Variants in TMEM178B observed in about 807,000 individuals in gnomAD.
TMEM178B encodes transmembrane protein 178B.
TMEM178B carries 5 observed loss-of-function variants against 31.0 expected under a neutral mutation model. The observed-to-expected ratio is 0.16, with a 90% CI of 0.08 to 0.34. TMEM178B has a LOEUF of 0.34. Among genes scored for constraint, TMEM178B ranks in the 10% least tolerant of loss-of-function variants. TMEM178B has a pLI of 1.00. For synonymous variants in TMEM178B, 164 were observed against 164.0 expected (o/e 1.00, Z 0.00); for missense variants, 275 against 400.3 (o/e 0.69, Z 2.67).
chr7:141,470,395 C>T, intron 3 of TMEM178B, 141 bp from the exon 4 acceptor site: 1 of 789,936 alleles, frequency 1.3e-6, no homozygotes, highest in Non-Finnish European at 1.9e-6. Flanking sequence ...TGGTGATAAC[C>T]TGCTCTTACC....
intron 1 of TMEM178B, among the ~76,000 whole-genome samples, chr7:141,112,672 C>T (rs1169646263): frequency 6.6e-6 from 1 of 152,180 alleles, no homozygotes. Context: ...GATACCTCTC[C>T]ATCATCTCCA....
At chr7:141,493,449 C>G in the TMEM178B span, among the ~76,000 whole-genome samples, 2 of 152,008 alleles carry the variant, frequency 1.3e-5, no homozygotes, top group Non-Finnish European at 2.9e-5. Context: ...CCTCATCCTT[C>G]CCAAACTGTT....
Position 141,262,474 on chromosome 7 carries a change from A to AATATATATATATAT in TMEM178B, c.496+49787_496+49800dup, listed in dbSNP as rs10570183. Among the ~76,000 whole-genome samples, 752 of 131,652 alleles carry AATATATATATATAT rather than the reference A, an allele frequency of 5.7e-3. 10 individuals carry two copies. Among genetic ancestry groups the AATATATATATATAT allele is most frequent in the African/African-American group, 8.8e-3 (298 of 33,800 alleles). 86.4% of individuals were successfully genotyped at this position (131,652 alleles called of 152,430 possible). ...AATGGAAAGCTTGATAAATACATATAATATATATATATATATATATATATA... is the reference window on the plus strand; with the variant it reads ...AATGGAAAGCTTGATAAATACATATAATATATATATATATATATATATATATATATATATATATA... On this transcript the variant is annotated intron_variant, in intron 2 of 3. Coordinates refer to ENST00000565468, the MANE Select transcript of TMEM178B (RefSeq NM_001195278.2).
At chr7:141,467,912 C>G (rs1274977493) in intron 3 of TMEM178B, among the ~76,000 whole-genome samples, 1 of 149,046 alleles carries the variant, frequency 6.7e-6, no homozygotes, top group Non-Finnish European at 1.5e-5. Context: ...TACACTCGCC[C>G]TGGAGTCTAT....
chr7:141,307,618 G>A (rs77689585), intron 2 of TMEM178B, among the ~76,000 whole-genome samples: 3,265 of 152,338 alleles, frequency 0.021, 45 homozygotes, highest in South Asian at 0.035. Context: ...TGTGATTGAG[G>A]GGCACTCCCC....
chr7:141,396,508 C>G (rs1042293667), intron 2 of TMEM178B, among the ~76,000 whole-genome samples: 1 of 148,380 alleles, frequency 6.7e-6, no homozygotes, highest in African/African-American at 2.5e-5. Context: ...GTCTGGGCCT[C>G]TCATACTGCA....
At chr7:141,332,963 G>A (rs532950756) in intron 2 of TMEM178B, among the ~76,000 whole-genome samples, 17 of 152,312 alleles carry the variant, frequency 1.1e-4, no homozygotes, top group African/African-American at 4.1e-4. Context: ...CTCACACCAA[G>A]AGCGCTTAGC....
At chr7:141,198,462 A>C (rs1039204355) in intron 1 of TMEM178B, among the ~76,000 whole-genome samples, 1 of 152,230 alleles carries the variant, frequency 6.6e-6, no homozygotes. Flanking sequence ...GGAATGACGA[A>C]TTTCCAAGTC....
At chr7:141,281,634 C>T (rs1798361545) in intron 2 of TMEM178B, among the ~76,000 whole-genome samples, 1 of 152,080 alleles carries the variant, frequency 6.6e-6, no homozygotes, top group Admixed American at 6.5e-5. Flanking sequence ...CTGTGTGCTA[C>T]CGGTGAGGAA....
At chr7:141,504,512 TGA>T in the TMEM178B span, among the ~76,000 whole-genome samples, 10 of 152,236 alleles carry the variant, frequency 6.6e-5, no homozygotes, top group African/African-American at 2.4e-4. Context: ...GTTTCCTATA[TGA>T]GAGAAGTGTT....
the TMEM178B span, among the ~76,000 whole-genome samples, chr7:141,507,012 A>G: frequency 2.0e-5 from 3 of 152,340 alleles, no homozygotes; most frequent in South Asian, 6.2e-4. Context: ...ACATCCAGGC[A>G]ACACTGATAC....
chr7:141,177,418 C>T (rs1796451682), intron 1 of TMEM178B, among the ~76,000 whole-genome samples: 1 of 152,128 alleles, frequency 6.6e-6, no homozygotes, highest in African/African-American at 2.4e-5. Flanking sequence ...AATGTATATT[C>T]TGTTGATTTG....
intron 1 of TMEM178B, among the ~76,000 whole-genome samples, chr7:141,151,576 CTGGGCTGGCAAT>C (rs1006369483): frequency 6.6e-5 from 10 of 152,154 alleles, no homozygotes; most frequent in Non-Finnish European, 1.0e-4. Flanking sequence ...GAGTCCCTGA[CTGGGCTGGCAAT>C]TAGCATCGGG....
chr7:141,226,037 C>A (rs375261799), intron 2 of TMEM178B, among the ~76,000 whole-genome samples: 1 of 152,140 alleles, frequency 6.6e-6, no homozygotes, highest in Non-Finnish European at 1.5e-5. Flanking sequence ...TCCGAAACCA[C>A]GAGGCTGCTA....
At chr7:141,331,460 A>G (rs1178358232) in intron 2 of TMEM178B, among the ~76,000 whole-genome samples, 1 of 152,144 alleles carries the variant, frequency 6.6e-6, no homozygotes, top group African/African-American at 2.4e-5. Context: ...AACAGTTGCT[A>G]TTGGTGGGTT....
chr7:141,265,937 G>T (rs1256371605), intron 2 of TMEM178B, among the ~76,000 whole-genome samples: 1 of 152,172 alleles, frequency 6.6e-6, no homozygotes, highest in Non-Finnish European at 1.5e-5. Flanking sequence ...TACTAGTTGG[G>T]CTGGAGCTCA....
chr7:141,397,910 T>G (rs1452345834), intron 2 of TMEM178B, among the ~76,000 whole-genome samples: 1 of 152,144 alleles, frequency 6.6e-6, no homozygotes, highest in Non-Finnish European at 1.5e-5. Flanking sequence ...AAATGGGGAC[T>G]CAGAAGAGAG....
chr7:141,251,780 T>C (rs1381053558), intron 2 of TMEM178B, among the ~76,000 whole-genome samples: 2 of 152,170 alleles, frequency 1.3e-5, no homozygotes, highest in East Asian at 3.8e-4. Context: ...CTTTGATTTA[T>C]TAGTAGACTT....
chr7:141,140,244 G>C (rs989671028), intron 1 of TMEM178B, among the ~76,000 whole-genome samples: 3 of 152,154 alleles, frequency 2.0e-5, no homozygotes, highest in African/African-American at 4.8e-5. Flanking sequence ...GCCTTTGCAT[G>C]AACTGTTTCC....
Sources: allele counts gnomAD v4.1 joint callset (sites outside exome capture counted in the v4.1 genomes callset), GRCh38; gene constraint gnomAD v4.1.1; transcripts MANE v1.5; gene names NCBI Gene and HGNC (gene_info 2026-07-23, HGNC 2026-07-21).